The following SIPA1L3 variants were observed in gnomAD, a reference collection of about 807,000 sequenced individuals.
The protein encoded by SIPA1L3 is signal-induced proliferation-associated 1-like protein 3.
A neutral mutation model predicts 150.1 loss-of-function variants in SIPA1L3; 59 were observed. The observed-to-expected ratio is 0.39, with a 90% confidence interval of 0.32 to 0.49. The LOEUF is 0.49. SIPA1L3 is among the 20% of genes least tolerant of loss of function. The pLI, the probability that SIPA1L3 is intolerant of heterozygous loss-of-function variation, is 0.86. For synonymous variants in SIPA1L3, 1,070 were observed against 1,077.6 expected (o/e 0.99, Z 0.14); for missense variants, 2,211 against 2,489.5 (o/e 0.89, Z 2.38).
Position 38,081,531 on chromosome 19 carries a change from G to T in SIPA1L3, c.-35G>T. On this transcript the variant is annotated 5_prime_UTR_variant, in exon 3 of 22. Transcript: ENST00000222345. ...GGACCCCATAGAGTGACACCACAGC[G>T]TACGGGGCCAGCAGCACTCCAGTGC... 6.5e-7 allele frequency: 1 copy of T among 1,537,206 alleles called. No homozygotes were observed. Among genetic ancestry groups the T allele is most frequent in the South Asian group, 1.2e-5 (1 of 81,218 alleles).
intron 2 of SIPA1L3, among the ~76,000 whole-genome samples, chr19:38,030,756 G>C (rs1474136350): frequency 2.0e-5 from 3 of 151,824 alleles, no homozygotes; most frequent in African/African-American, 4.9e-5. Context: ...TGTTTCTGTG[G>C]GTGGGTTCTA....
rs551154631 is a variant in SIPA1L3 at position 37,909,562 on chromosome 19, CAT to C, written c.-379+2207_-379+2208del. ...GATTAACATACGTAAACCTATGTAA[CAT>C]ATGTATTAATAAGGGCAAGAAGATG... is the stretch of plus-strand genomic sequence containing the variant. On this transcript the variant is annotated intron_variant, in intron 1 of 21. Transcript: ENST00000222345. Among the ~76,000 whole-genome samples the C allele has an allele frequency of 1.1e-4, 17 of 152,216 alleles. No homozygotes were observed. In the South Asian group the frequency reaches 2.7e-3, roughly 24 times the overall value.
intron 19 of SIPA1L3, among the ~76,000 whole-genome samples, chr19:38,199,612 G>T (rs937644069): frequency 2.0e-5 from 3 of 150,514 alleles, no homozygotes; most frequent in Non-Finnish European, 3.0e-5. Context: ...TTACGGGGGA[G>T]AGGGGGGAGT....
chr19:37,942,157 C>T (rs182905029), intron 1 of SIPA1L3, among the ~76,000 whole-genome samples: 186 of 152,160 alleles, frequency 1.2e-3, no homozygotes, highest in African/African-American at 3.7e-3. Context: ...CTTCCAGTGC[C>T]GGGGACGGAG....
chr19:38,034,790 C>T (rs367708948), intron 2 of SIPA1L3, among the ~76,000 whole-genome samples: 1 of 152,202 alleles, frequency 6.6e-6, no homozygotes, highest in Non-Finnish European at 1.5e-5. Context: ...TCTTGGCCTC[C>T]CTTTTTCCAA....
At chr19:38,050,180 G>A (rs567439384) in intron 2 of SIPA1L3, among the ~76,000 whole-genome samples, 2 of 152,350 alleles carry the variant, frequency 1.3e-5, no homozygotes, top group South Asian at 4.1e-4. Flanking sequence ...TGCTGGCTGG[G>A]CATGGTGGCT....
rs1449146452 is a variant in SIPA1L3 at position 38,206,163 on chromosome 19, CAGG to C, written c.5275_5277del (p.Glu1759del). ...CCTGCGGCAGAACAACCAGCGGCTG[CAGG>C]AGGAGTCGCAGGCCGCCAGCGAGCA... On this transcript the variant is annotated inframe_deletion, in exon 22 of 22. Coordinates refer to ENST00000222345, the MANE Select transcript of SIPA1L3 (RefSeq NM_015073.3). 6.4e-7 allele frequency: 1 copy of C among 1,552,024 alleles called. No homozygotes were observed. The highest frequency in any genetic ancestry group is 8.7e-7 in the Non-Finnish European group (1 of 1,147,484).
intron 1 of SIPA1L3, among the ~76,000 whole-genome samples, chr19:37,982,213 G>A (rs1404603655): frequency 6.6e-6 from 1 of 152,198 alleles, no homozygotes; most frequent in Non-Finnish European, 1.5e-5. Flanking sequence ...ACTGGGCTGT[G>A]AGCAGCCAGA....
At chr19:38,120,928 A>T (rs1312420233) in intron 9 of SIPA1L3, among the ~76,000 whole-genome samples, 1 of 152,234 alleles carries the variant, frequency 6.6e-6, no homozygotes, top group Non-Finnish European at 1.5e-5. Context: ...AGAGCACAAG[A>T]TCTAGTCAGA....
intron 6 of SIPA1L3, among the ~76,000 whole-genome samples, chr19:38,104,744 T>C (rs983724279): frequency 2.6e-5 from 4 of 151,908 alleles, no homozygotes; most frequent in Non-Finnish European, 5.9e-5. Context: ...ACTAATTGTG[T>C]ACTTTTAGTA....
At chr19:38,090,821 C>A (rs1333011983) in intron 4 of SIPA1L3, among the ~76,000 whole-genome samples, 1 of 152,204 alleles carries the variant, frequency 6.6e-6, no homozygotes, top group Non-Finnish European at 1.5e-5. Flanking sequence ...AGTGCCCTCG[C>A]CCCATCCCCT....
intron 3 of SIPA1L3, among the ~76,000 whole-genome samples, chr19:38,088,395 T>C (rs1019959634): frequency 2.0e-5 from 3 of 152,248 alleles, no homozygotes; most frequent in Admixed American, 2.0e-4. Flanking sequence ...CCATGCACTG[T>C]ACTAAGTGTT....
intron 9 of SIPA1L3, among the ~76,000 whole-genome samples, chr19:38,123,612 C>G (rs1251633459): frequency 1.3e-5 from 2 of 151,108 alleles, no homozygotes; most frequent in African/African-American, 4.9e-5. Flanking sequence ...ATCCCAAGGC[C>G]GAAGAATTTT....
At position 38,082,546 on chromosome 19, in the gene SIPA1L3, C is replaced by T. The variant is rs1172390535; in HGVS notation, c.981C>T (p.Pro327=). Residue 327 remains proline, a synonymous_variant, in exon 3 of 22, where the codon CCC becomes CCT. Coordinates refer to ENST00000222345, the MANE Select transcript of SIPA1L3 (RefSeq NM_015073.3). ...SPGEADEGRS[P]PEASRPWVCQ... is the part of the protein sequence containing the mutation. Reference sequence around the variant, plus strand: ...GGGAGGCCGACGAGGGCCGGAGCCCCCCGGAAGCCAGCAGGCCGTGGGTGT... The same window carrying T: ...GGGAGGCCGACGAGGGCCGGAGCCCTCCGGAAGCCAGCAGGCCGTGGGTGT... 2.5e-6 allele frequency: 4 copies of T among 1,602,044 alleles called. No individual in the cohort carries two copies. The Admixed American group carries it at 5.0e-5, about 20-fold the overall frequency.
intron 9 of SIPA1L3, among the ~76,000 whole-genome samples, chr19:38,122,557 G>A (rs543715047): frequency 9.9e-5 from 15 of 152,222 alleles, no homozygotes; most frequent in South Asian, 4.2e-4. Flanking sequence ...GCCTGTTCTC[G>A]ACGTGGTAGT....
At chr19:38,069,158 G>T (rs1399945386) in intron 2 of SIPA1L3, among the ~76,000 whole-genome samples, 1 of 152,116 alleles carries the variant, frequency 6.6e-6, no homozygotes, top group Non-Finnish European at 1.5e-5. Context: ...CCATATCAAG[G>T]GTGCATGTAC....
chr19:38,012,469 C>T (rs1489092211), intron 1 of SIPA1L3, among the ~76,000 whole-genome samples: 1 of 152,106 alleles, frequency 6.6e-6, no homozygotes, highest in Non-Finnish European at 1.5e-5. Context: ...TACAGGGAAC[C>T]TCCCCTGCTC....
At chr19:37,998,975 TCTATCACA>T (rs1967711474) in intron 1 of SIPA1L3, among the ~76,000 whole-genome samples, 1 of 129,896 alleles carries the variant, frequency 7.7e-6, no homozygotes, top group African/African-American at 3.2e-5. Flanking sequence ...ACCAGCCCTA[TCTATCACA>T]CACACACACA....
At chr19:38,068,656 T>C (rs1486942883) in intron 2 of SIPA1L3, among the ~76,000 whole-genome samples, 1 of 152,024 alleles carries the variant, frequency 6.6e-6, no homozygotes, top group Non-Finnish European at 1.5e-5. Flanking sequence ...GGCCAGGAGT[T>C]TGAGGTTTTG....
Sources: gnomAD v4.1 joint callset for allele counts (sites outside exome capture counted in the v4.1 genomes callset) on GRCh38, gnomAD v4.1.1 for gene constraint, MANE v1.5 for transcripts, NCBI Gene and HGNC (gene_info 2026-07-23, HGNC 2026-07-21) for gene names.